BRWD3: variants seen among roughly 807,000 people sequenced by gnomAD.
BRWD3 encodes bromodomain and WD repeat-containing protein 3.
A neutral mutation model predicts 149.7 loss-of-function variants in BRWD3; 10 were observed. That is an observed-to-expected ratio of 0.07 (90% CI 0.04 to 0.11). The LOEUF is 0.11. Among genes scored for constraint, BRWD3 ranks in the 10% least tolerant of loss-of-function variants. The pLI, the probability that BRWD3 is intolerant of heterozygous loss-of-function variation, is 1.00. For missense variants in BRWD3, 940 were observed against 1,373.2 expected (o/e 0.68, Z 4.99); for synonymous variants, 504 against 456.7 (o/e 1.10, Z -1.32).
Position 80,791,915 on chromosome X carries a change from C to A in BRWD3, c.369G>T (p.Ala123=). Residue 123 remains alanine (A), a synonymous_variant, in exon 6 of 41, where the codon GCG becomes GCT. Transcript: ENST00000373275. ...KSTLWNGSAF[A]ALHRGRPPEL... is the part of the protein sequence containing the mutation. ...CTGGAGGTCTGCCTCTATGCAGAGC[C>A]GCAAAAGCAGACCCATTCCATAGTG... The A allele has an allele frequency of 8.3e-7, 1 of 1,206,828 alleles. No individual in the cohort carries two copies. Among genetic ancestry groups the A allele is most frequent in the Non-Finnish European group, 1.1e-6 (1 of 892,075 alleles).
chrX:80,695,782 T>C (rs2072681658), intron 27 of BRWD3, 126 bp downstream of exon 27: 1 of 541,672 alleles, frequency 1.8e-6, no homozygotes, highest in African/African-American at 2.4e-5. Context: ...TAACTTAAGT[T>C]TTCTAGTTTC....
At chrX:80,789,746 G>C (rs4826028) in intron 6 of BRWD3, among the ~76,000 whole-genome samples, 3 of 110,166 alleles carry the variant, frequency 2.7e-5, no homozygotes, top group Non-Finnish European at 3.8e-5. Context: ...GAAAAGCTAC[G>C]AAAAGTACAC....
At position 80,704,706 on chromosome X, in the gene BRWD3, T is replaced by C. The variant is rs765212516; in HGVS notation, c.2693A>G (p.Gln898Arg). The change falls in exon 23 of 41, where the codon CAG (glutamine) becomes CGG (arginine). Residue 898 changes from glutamine to arginine, a missense_variant. By Grantham distance (43) the Gln-to-Arg change is conservative. Around this residue, in one of 6 missense-constraint regions of BRWD3, gnomAD observed 158 missense variants for 284.0 expected, o/e 0.56. Coordinates refer to ENST00000373275, the MANE Select transcript of BRWD3 (RefSeq NM_153252.5). ...CTTTCTAGTCTGCTTAGGTTTCTTCTGCCTTTCTTCTAGGGACTTCAAATT... is the reference window on the plus strand; with the variant it reads ...CTTTCTAGTCTGCTTAGGTTTCTTCCGCCTTTCTTCTAGGGACTTCAAATT... ...EENLKSLEER[Q>R]KKPKQTRKKK... is the part of the protein sequence containing the mutation. The C allele has an allele frequency of 3.3e-6, 4 of 1,210,012 alleles. No individual in the cohort carries two copies. The Admixed American group carries it at 6.6e-5, about 20-fold the overall frequency.
chrX:80,766,449 G>A (rs2073859286), intron 6 of BRWD3, among the ~76,000 whole-genome samples: 1 of 111,403 alleles, frequency 9.0e-6, no homozygotes, highest in Admixed American at 9.6e-5. Context: ...TGACTATACA[G>A]GAGCCAGCAA....
chrX:80,729,896 C>T lies in BRWD3; in HGVS notation c.1232+20G>A, dbSNP rs753971316. 16 of 1,003,175 alleles carry T rather than the reference C, an allele frequency of 1.6e-5. No individual in the cohort carries two copies. Among genetic ancestry groups the T allele is most frequent in the South Asian group, 1.3e-4 (7 of 52,442 alleles). The allele number at this position is 1,003,175 out of a possible 1,213,427, so 82.7% of individuals were successfully genotyped here. A position where few individuals can be genotyped will look rare whatever the true frequency, so the allele number is the denominator to read the frequency against. On this transcript the variant is annotated intron_variant, in intron 13 of 40. Coordinates refer to ENST00000373275, the MANE Select transcript of BRWD3 (RefSeq NM_153252.5). ...AAATATATCATGAGAACCACATAAA[C>T]ATCTAACATATATTCTTACCCAGTC...
chrX:80,790,868 G>A (rs567669549), intron 6 of BRWD3, among the ~76,000 whole-genome samples: 2 of 111,482 alleles, frequency 1.8e-5, no homozygotes, highest in African/African-American at 6.5e-5. Context: ...AGTGAACACT[G>A]GAAAATTCTG....
intron 6 of BRWD3, among the ~76,000 whole-genome samples, chrX:80,755,367 A>T (rs1448846806): frequency 8.9e-6 from 1 of 112,135 alleles, no homozygotes; most frequent in African/African-American, 3.2e-5. Flanking sequence ...AGGAAATATA[A>T]ATAATATGCT....
rs374753047 is a variant in BRWD3, at chrX:80,682,472, C to T, written c.4390G>A (p.Ala1464Thr). 3 of 1,207,590 alleles carry T rather than the reference C, an allele frequency of 2.5e-6. No individual in the cohort carries two copies. The highest frequency in any genetic ancestry group is 1.8e-5 in the African/African-American group (1 of 57,040). Residue 1464 changes from alanine (A) to threonine (T), a missense_variant, in exon 38 of 41, where the codon GCA (alanine) becomes ACA (threonine). By Grantham distance (58) the Ala-to-Thr change is moderately conservative. Transcript: ENST00000373275. Reference sequence around the variant, plus strand: ...GCATCAATGTAATGATACCTAGGTGCTCCACTACTAGATAATGAACTGCTG... The same window carrying T: ...GCATCAATGTAATGATACCTAGGTGTTCCACTACTAGATAATGAACTGCTG... Reference protein sequence around the residue: ...SSSSSLSSSGAPSPKGKQKQM... With the variant: ...SSSSSLSSSGTPSPKGKQKQM...
chrX:80,800,836 A>G (rs1362858567), intron 4 of BRWD3, among the ~76,000 whole-genome samples: 1 of 111,324 alleles, frequency 9.0e-6, no homozygotes, highest in African/African-American at 3.3e-5. Context: ...TCACCTTTGA[A>G]AATGCTAATC....
At chrX:80,694,318 C>T (rs1018629369) in intron 27 of BRWD3, among the ~76,000 whole-genome samples, 5 of 111,761 alleles carry the variant, frequency 4.5e-5, no homozygotes, top group Non-Finnish European at 7.5e-5. Flanking sequence ...AGTCTGCTGC[C>T]GGGGCAGAGC....
At position 80,744,055 on chromosome X, in the gene BRWD3, A is replaced by T; in HGVS notation, c.790T>A (p.Ser264Thr). The T allele has an allele frequency of 8.3e-7, 1 of 1,210,412 alleles. No individual in the cohort carries two copies. The highest frequency in any genetic ancestry group is 1.1e-6 in the Non-Finnish European group (1 of 894,278). The change falls in exon 8 of 41, where the codon TCA becomes ACA. Residue 264 changes from serine (S) to threonine (T), a missense_variant. By Grantham distance (58) the Ser-to-Thr change is moderately conservative. This residue lies in a region of BRWD3 where 209 missense variants were observed against 396.8 expected (regional missense o/e 0.53). Coordinates refer to ENST00000373275, the MANE Select transcript of BRWD3 (RefSeq NM_153252.5). ...CAPVAVLQGH[S>T]ASITSIQFCP... ...ACCTGTATGGAAGTAATAGAAGCTG[A>T]ATGGCCCTGAAGGACTGCAACGGGT...
intron 6 of BRWD3, among the ~76,000 whole-genome samples, chrX:80,774,330 A>G (rs989487123): frequency 5.5e-5 from 6 of 109,426 alleles, no homozygotes; most frequent in Non-Finnish European, 1.1e-4. Flanking sequence ...GTACTGGCAC[A>G]TCGGCTCACT....
At chrX:80,677,509 T>C (rs187228391) in intron 40 of BRWD3, 146 bp from the exon 41 acceptor site, 59 of 875,082 alleles carry the variant, frequency 6.7e-5, no homozygotes, top group Admixed American at 8.2e-5. Flanking sequence ...TTCTTCAAAA[T>C]AGAAGATATT....
chrX:80,704,859 C>G lies in BRWD3; in HGVS notation c.2553-13G>C. The G allele has an allele frequency of 1.7e-6, 2 of 1,187,776 alleles. No individual in the cohort carries two copies. Among genetic ancestry groups the G allele is most frequent in the South Asian group, 1.8e-5 (1 of 56,407 alleles). ...ACTTGATGAGTCACTGTAAATAAAT[C>G]AAAATTATGGATACCTAAGTATAGA... On this transcript the variant is annotated splice_polypyrimidine_tract_variant and intron_variant, in intron 22 of 40. Coordinates refer to ENST00000373275, the MANE Select transcript of BRWD3 (RefSeq NM_153252.5).
intron 4 of BRWD3, among the ~76,000 whole-genome samples, chrX:80,799,101 C>A (rs2074268254): frequency 8.9e-6 from 1 of 112,245 alleles, no homozygotes; most frequent in Non-Finnish European, 1.9e-5. Context: ...ATTAAATTAA[C>A]CCTAGATTAT....
chrX:80,769,307 A>C (rs924019725), intron 6 of BRWD3, among the ~76,000 whole-genome samples: 13 of 111,456 alleles, frequency 1.2e-4, no homozygotes, highest in East Asian at 2.8e-4. Context: ...CAGCACCACA[A>C]CACACCTATT....
At chrX:80,737,691 T>C (rs2073424084) in intron 8 of BRWD3, among the ~76,000 whole-genome samples, 1 of 111,944 alleles carries the variant, frequency 8.9e-6, no homozygotes, top group South Asian at 3.7e-4. Flanking sequence ...AAAAATTAGC[T>C]GGGCATGGTG....
At chrX:80,802,222 CTG>C (rs2074305015) in intron 4 of BRWD3, among the ~76,000 whole-genome samples, 1 of 110,725 alleles carries the variant, frequency 9.0e-6, no homozygotes. Context: ...GGGCGGATCA[CTG>C]GAGGTCAGGA....
intron 22 of BRWD3, 118 bp from the exon 23 acceptor site, chrX:80,704,964 C>T (rs944869967): frequency 1.3e-6 from 1 of 774,765 alleles, no homozygotes. Flanking sequence ...GGATTTTTTT[C>T]TAACTTAAGA....
Sources: allele counts gnomAD v4.1 joint callset (sites outside exome capture counted in the v4.1 genomes callset), GRCh38; gene constraint gnomAD v4.1.1; regional missense constraint gnomAD v4.1.1; transcripts MANE v1.5; gene names NCBI Gene and HGNC (gene_info 2026-07-23, HGNC 2026-07-21).